The following PPARGC1A variants were observed in gnomAD, a reference collection of about 807,000 sequenced individuals.
PPARGC1A encodes PPARG coactivator 1 alpha.
A neutral mutation model predicts 88.7 loss-of-function variants in PPARGC1A; 25 were observed. That is an observed-to-expected ratio of 0.28 (90% confidence interval 0.21 to 0.39). PPARGC1A has a LOEUF of 0.39. PPARGC1A is among the 10% of genes least tolerant of loss of function. The pLI is 1.00. For missense variants in PPARGC1A, 880 were observed against 968.7 expected (o/e 0.91, Z 1.22); for synonymous variants, 363 against 355.6 (o/e 1.02, Z -0.24).
the PPARGC1A span, among the ~76,000 whole-genome samples, chr4:24,227,192 C>T: frequency 6.6e-6 from 1 of 151,938 alleles, no homozygotes; most frequent in Non-Finnish European, 1.5e-5. Flanking sequence ...TCAAGCGATT[C>T]TCCTGCCTCA....
chr4:23,913,741 A>AGAG, the PPARGC1A span, among the ~76,000 whole-genome samples: 3 of 152,102 alleles, frequency 2.0e-5, no homozygotes, highest in Non-Finnish European at 2.9e-5. Flanking sequence ...ATAGTTAAGT[A>AGAG]GAGGCAGGTG....
At chr4:24,056,532 A>T in the PPARGC1A span, among the ~76,000 whole-genome samples, 1 of 152,156 alleles carries the variant, frequency 6.6e-6, no homozygotes, top group Non-Finnish European at 1.5e-5. Context: ...AAAAGCACTC[A>T]TTTTTTTGTT....
At chr4:23,900,012 CAA>C (rs5856802), upstream of PPARGC1A, among the ~76,000 whole-genome samples, 5,627 of 147,854 alleles carry the variant, frequency 0.038, 226 homozygotes, top group African/African-American at 0.099. Context: ...GCTGCCTGTC[CAA>C]AAAAAAAAAA....
chr4:24,435,437 G>A, the PPARGC1A span, among the ~76,000 whole-genome samples: 1 of 152,156 alleles, frequency 6.6e-6, no homozygotes, highest in South Asian at 2.1e-4. Context: ...CTTCCTACTT[G>A]CTGTGCCTAG....
At chr4:24,248,110 AT>A in the PPARGC1A span, among the ~76,000 whole-genome samples, 1 of 152,006 alleles carries the variant, frequency 6.6e-6, no homozygotes, top group Non-Finnish European at 1.5e-5. Flanking sequence ...AGAACCCTGT[AT>A]TTCTTTCTCT....
chr4:24,354,914 G>GA, the PPARGC1A span, among the ~76,000 whole-genome samples: 27 of 145,556 alleles, frequency 1.9e-4, no homozygotes, highest in Non-Finnish European at 1.4e-4. Context: ...ACAAAAAACA[G>GA]AAAAAAAACA....
chr4:23,815,298 C>T (rs906080701), intron 7 of PPARGC1A, among the ~76,000 whole-genome samples: 1 of 152,088 alleles, frequency 6.6e-6, no homozygotes, highest in Non-Finnish European at 1.5e-5. Context: ...ACCTAGTAAA[C>T]CATGGCTAAT....
At chr4:24,088,474 C>T in the PPARGC1A span, among the ~76,000 whole-genome samples, 1,166 of 152,166 alleles carry the variant, frequency 7.7e-3, 22 homozygotes, top group African/African-American at 0.026. Context: ...TGTCATAAGG[C>T]GGGTACAGGT....
At chr4:24,002,330 G>T in the PPARGC1A span, among the ~76,000 whole-genome samples, 1 of 152,158 alleles carries the variant, frequency 6.6e-6, no homozygotes, top group East Asian at 1.9e-4. Flanking sequence ...GTTTCACTAT[G>T]TTGGCCAGGA....
the PPARGC1A span, among the ~76,000 whole-genome samples, chr4:24,437,945 G>A: frequency 6.6e-6 from 1 of 152,136 alleles, no homozygotes; most frequent in Non-Finnish European, 1.5e-5. Flanking sequence ...CCAAAGTGCT[G>A]GGATTACAGG....
the PPARGC1A span, among the ~76,000 whole-genome samples, chr4:24,322,919 G>A: frequency 6.6e-6 from 1 of 152,186 alleles, no homozygotes. Flanking sequence ...TTCATCACGT[G>A]TAGTCAAATT....
chr4:24,097,000 G>A, the PPARGC1A span, among the ~76,000 whole-genome samples: 3 of 152,094 alleles, frequency 2.0e-5, no homozygotes, highest in Non-Finnish European at 4.4e-5. Context: ...AGGCTGATGT[G>A]GGAGGATTGC....
chr4:23,909,198 T>C, the PPARGC1A span, among the ~76,000 whole-genome samples: 1 of 152,120 alleles, frequency 6.6e-6, no homozygotes, highest in African/African-American at 2.4e-5. Context: ...CCGTACGTAA[T>C]TTGAAATAAA....
chr4:23,847,594 G>A (rs1319782799), intron 2 of PPARGC1A, among the ~76,000 whole-genome samples: 1 of 152,124 alleles, frequency 6.6e-6, no homozygotes, highest in Non-Finnish European at 1.5e-5. Context: ...TGTAAGCAAT[G>A]AGTACCTGGG....
intron 2 of PPARGC1A, among the ~76,000 whole-genome samples, chr4:23,868,937 T>C (rs867922844): frequency 1.3e-5 from 2 of 152,336 alleles, no homozygotes; most frequent in Middle Eastern, 3.4e-3. Context: ...ACTGCACACC[T>C]TATTTTATCC....
chr4:24,267,107 A>G, the PPARGC1A span, among the ~76,000 whole-genome samples: 2 of 152,142 alleles, frequency 1.3e-5, no homozygotes, highest in Non-Finnish European at 2.9e-5. Flanking sequence ...AACAGAATAC[A>G]TTACACTGAT....
chr4:24,285,762 T>C, the PPARGC1A span, among the ~76,000 whole-genome samples: 1 of 152,210 alleles, frequency 6.6e-6, no homozygotes, highest in Admixed American at 6.5e-5. Flanking sequence ...CAACCATTTC[T>C]CTGCAGGTCA....
the PPARGC1A span, among the ~76,000 whole-genome samples, chr4:24,088,563 T>C: frequency 6.6e-6 from 1 of 152,182 alleles, no homozygotes; most frequent in Non-Finnish European, 1.5e-5. Context: ...CCACTTTGCC[T>C]CTGTTTCCCT....
At chr4:24,250,527 C>T in the PPARGC1A span, among the ~76,000 whole-genome samples, 1 of 152,064 alleles carries the variant, frequency 6.6e-6, no homozygotes, top group African/African-American at 2.4e-5. Context: ...TTGCAACAGG[C>T]ATTTGCATTT....
Sources: gnomAD v4.1 joint callset for allele counts (sites outside exome capture counted in the v4.1 genomes callset) on GRCh38, gnomAD v4.1.1 for gene constraint, MANE v1.5 for transcripts, NCBI Gene and HGNC (gene_info 2026-07-23, HGNC 2026-07-21) for gene names.